The following LUZP2 variants were observed in gnomAD, a reference collection of about 807,000 sequenced individuals.
LUZP2 encodes leucine zipper protein 2.
In LUZP2, 52 loss-of-function variants were observed where a neutral mutation model predicts 51.6. The observed-to-expected ratio is 1.01, with a 90% CI of 0.81 to 1.27. The LOEUF (loss-of-function observed/expected upper bound fraction) is 1.27. Ranked by LOEUF, LUZP2 falls within the 50% of genes most tolerant of loss-of-function variation. The pLI is 0.00. For synonymous variants in LUZP2, 154 were observed against 137.3 expected (o/e 1.12, Z -0.85); for missense variants, 436 against 395.4 (o/e 1.10, Z -0.87).
rs1316663479 is a variant in LUZP2, at chr11:24,755,632, GA to G, written c.334-7609del. ...AGCCAACGGGATTCCAAAGAAACCT[GA>G]AAAACTAGTTCAGGAAGGGGATGAC... On this transcript the variant is annotated intron_variant, in intron 4 of 11. Transcript: ENST00000336930. Among the ~76,000 whole-genome samples, 4 of 152,090 alleles carry G rather than the reference GA, an allele frequency of 2.6e-5. 1 individual carries two copies. The highest frequency in any genetic ancestry group is 5.9e-5 in the Non-Finnish European group (4 of 68,014).
intron 1 of LUZP2, among the ~76,000 whole-genome samples, chr11:24,600,504 C>T (rs146623844): frequency 1.4e-3 from 220 of 152,218 alleles, no homozygotes; most frequent in African/African-American, 5.1e-3. Flanking sequence ...AAAAAAGTTT[C>T]GCTGCCATTT....
intron 1 of LUZP2, among the ~76,000 whole-genome samples, chr11:24,566,417 C>T (rs1271816020): frequency 1.3e-5 from 2 of 148,826 alleles, no homozygotes; most frequent in Non-Finnish European, 3.0e-5. Flanking sequence ...CAACCTCCAC[C>T]TCCCAGGTTC....
At chr11:24,968,941 C>A (rs1855667479) in intron 7 of LUZP2, among the ~76,000 whole-genome samples, 1 of 152,154 alleles carries the variant, frequency 6.6e-6, no homozygotes, top group Admixed American at 6.6e-5. Flanking sequence ...AGGAGGAGGG[C>A]TAGTCCAATA....
intron 5 of LUZP2, among the ~76,000 whole-genome samples, chr11:24,902,968 T>A (rs77777903): frequency 0.034 from 5,118 of 152,214 alleles, 275 homozygotes; most frequent in African/African-American, 0.11. Flanking sequence ...TTAAATAGTA[T>A]ATACTACAGA....
At chr11:24,809,992 T>C (rs1042557237) in intron 5 of LUZP2, among the ~76,000 whole-genome samples, 2 of 152,148 alleles carry the variant, frequency 1.3e-5, no homozygotes, top group African/African-American at 4.8e-5. Context: ...AGTCCAGAGG[T>C]GTGTTTTCCC....
chr11:24,511,635 A>G (rs1171175342), intron 1 of LUZP2, among the ~76,000 whole-genome samples: 2 of 152,206 alleles, frequency 1.3e-5, no homozygotes, highest in African/African-American at 4.8e-5. Context: ...CGTTGAACTT[A>G]GGGCGTGCTA....
At chr11:24,803,735 C>A (rs962434972) in intron 5 of LUZP2, among the ~76,000 whole-genome samples, 3 of 152,002 alleles carry the variant, frequency 2.0e-5, no homozygotes, top group African/African-American at 7.2e-5. Context: ...TATGAAAAGA[C>A]AAATGTGGTG....
intron 5 of LUZP2, among the ~76,000 whole-genome samples, chr11:24,799,530 G>A (rs868792899): frequency 1.3e-5 from 2 of 151,400 alleles, no homozygotes; most frequent in African/African-American, 4.9e-5. Flanking sequence ...GGTGGAGGTT[G>A]TAGTGAGCCA....
intron 1 of LUZP2, among the ~76,000 whole-genome samples, chr11:24,508,858 T>G (rs1470636728): frequency 1.3e-5 from 2 of 152,098 alleles, no homozygotes; most frequent in Non-Finnish European, 2.9e-5. Flanking sequence ...AGTTGACATA[T>G]CTAAGGTCAC....
intron 1 of LUZP2, among the ~76,000 whole-genome samples, chr11:24,566,383 G>C (rs1298244783): frequency 6.9e-6 from 1 of 144,326 alleles, no homozygotes; most frequent in East Asian, 2.0e-4. Context: ...AGGCTGAAGT[G>C]CAGTGGCGTG....
At position 24,807,530 on chromosome 11, in the gene LUZP2, C is replaced by T. The variant is rs180714662; in HGVS notation, c.396+44222C>T. Among the ~76,000 whole-genome samples the T allele has an allele frequency of 2.0e-5, 3 of 150,786 alleles. No individual in the cohort carries two copies. The East Asian group carries it at 5.8e-4, about 29-fold the overall frequency. ...AAGTTATACATAGCACAGGAGGCTA[C>T]AGAAATAAAGACCCAGGGAAAGCTG... is the stretch of plus-strand genomic sequence containing the variant. On this transcript the variant is annotated intron_variant, in intron 5 of 11. Coordinates refer to ENST00000336930, the MANE Select transcript of LUZP2 (RefSeq NM_001009909.4).
intron 1 of LUZP2, among the ~76,000 whole-genome samples, chr11:24,728,949 A>G (rs1426147538): frequency 6.6e-6 from 1 of 151,990 alleles, no homozygotes; most frequent in African/African-American, 2.4e-5. Flanking sequence ...TATGTCATAG[A>G]TATCTGGAGT....
intron 5 of LUZP2, among the ~76,000 whole-genome samples, chr11:24,795,623 A>G (rs1048056443): frequency 6.6e-6 from 1 of 152,070 alleles, no homozygotes; most frequent in Non-Finnish European, 1.5e-5. Context: ...TAACTCCCAA[A>G]CCTGAGCTTT....
chr11:24,574,129 C>A (rs892658156), intron 1 of LUZP2, among the ~76,000 whole-genome samples: 4 of 146,774 alleles, frequency 2.7e-5, no homozygotes, highest in Non-Finnish European at 6.0e-5. Flanking sequence ...TCTTCCTTTC[C>A]TTTCTCTTTC....
In LUZP2 at chr11:24,966,947, A is replaced by G. The variant is rs76531141; in HGVS notation, c.523-9644A>G. ...TAAAATCTCCAATTGCTTTCTCACT[A>G]TTTATTAAACTTAGTATTTTTAATG... On this transcript the variant is annotated intron_variant, in intron 7 of 11. Coordinates refer to ENST00000336930, the MANE Select transcript of LUZP2 (RefSeq NM_001009909.4). 1.1e-3 allele frequency among the ~76,000 whole-genome samples: 165 copies of G among 149,554 alleles called. 5 individuals carry two copies. In the East Asian group the frequency reaches 0.029, roughly 26 times the overall value.
At chr11:24,972,899 A>T (rs1006357814) in intron 7 of LUZP2, among the ~76,000 whole-genome samples, 1 of 151,708 alleles carries the variant, frequency 6.6e-6, no homozygotes, top group Non-Finnish European at 1.5e-5. Flanking sequence ...TTTTTGTTGT[A>T]TGTCTGCCAC....
chr11:24,793,109 G>T (rs554518684), intron 5 of LUZP2, among the ~76,000 whole-genome samples: 15 of 152,118 alleles, frequency 9.9e-5, no homozygotes, highest in Admixed American at 2.0e-4. Context: ...ATGTTTAGTA[G>T]AGAGTTTAGT....
Position 24,862,248 on chromosome 11 carries a change from A to T in LUZP2, c.397-43743A>T, listed in dbSNP as rs368962547. On this transcript the variant is annotated intron_variant, in intron 5 of 11. Transcript: ENST00000336930. ...AAGAGATTGGGGACCAAAATTCAGC[A>T]TTCTTAAAGAAAAGAATTTTCAACC... Among the ~76,000 whole-genome samples, 6 of 152,322 alleles carry T rather than the reference A, an allele frequency of 3.9e-5. No individual in the cohort carries two copies. In the South Asian group the frequency reaches 1.2e-3, roughly 32 times the overall value.
intron 5 of LUZP2, among the ~76,000 whole-genome samples, chr11:24,826,956 T>C (rs554460832): frequency 7.9e-5 from 12 of 151,998 alleles, no homozygotes; most frequent in African/African-American, 2.7e-4. Context: ...ATTAAAAACA[T>C]CTGGACATAA....
Sources: allele counts gnomAD v4.1 joint callset (sites outside exome capture counted in the v4.1 genomes callset), GRCh38; gene constraint gnomAD v4.1.1; transcripts MANE v1.5; gene names NCBI Gene and HGNC (gene_info 2026-07-23, HGNC 2026-07-21).